The following OVCH1 variants were observed in gnomAD, a reference collection of about 807,000 sequenced individuals.
OVCH1 encodes ovochymase 1.
Under a neutral mutation model 138.4 loss-of-function variants are expected in OVCH1, and 139 were observed. The observed-to-expected ratio is 1.00, with a 90% CI of 0.87 to 1.16. The LOEUF (loss-of-function observed/expected upper bound fraction) is 1.16. Ranked by LOEUF, OVCH1 falls within the 50% of genes most tolerant of loss-of-function variation. The pLI is 0.00. For synonymous variants in OVCH1, 453 were observed against 467.8 expected (o/e 0.97, Z 0.41); for missense variants, 1,367 against 1,357.9 (o/e 1.01, Z -0.11).
the OVCH1 span, among the ~76,000 whole-genome samples, chr12:29,405,586 G>A: frequency 2.0e-5 from 3 of 152,176 alleles, no homozygotes; most frequent in Non-Finnish European, 4.4e-5. Context: ...TAATGATGTT[G>A]TTAGGTGATT....
chr12:29,467,074 G>A (rs1185051069), intron 16 of OVCH1, among the ~76,000 whole-genome samples: 1 of 152,080 alleles, frequency 6.6e-6, no homozygotes, highest in Non-Finnish European at 1.5e-5. Context: ...TAACTCAAGT[G>A]AAGCACTTGG....
rs1248138754 is a variant in OVCH1 at position 29,451,570 on chromosome 12, C to T, written c.2531-1G>A. ...TCTAGCTCTGCTTCAGAGCAACAAC[C>T]TGCAATTCAGAACACACAGACACCA... On this transcript the variant is annotated splice_acceptor_variant, in intron 21 of 27. Transcript: ENST00000318184. LOFTEE classifies it high-confidence loss of function. 6 of 1,606,402 alleles carry T rather than the reference C, an allele frequency of 3.7e-6. No homozygotes were observed. The highest frequency in any genetic ancestry group is 3.4e-6 in the Non-Finnish European group (4 of 1,175,866).
downstream of OVCH1, chr12:29,427,540 C>T (rs1299520684): frequency 6.5e-7 from 1 of 1,550,350 alleles, no homozygotes; most frequent in Non-Finnish European, 8.7e-7. Flanking sequence ...CCTCTTCCTC[C>T]ATGTGAGGAC....
At chr12:29,451,890 C>CT (rs1281180611) in intron 21 of OVCH1, among the ~76,000 whole-genome samples, 3 of 152,210 alleles carry the variant, frequency 2.0e-5, no homozygotes, top group Admixed American at 1.3e-4. Flanking sequence ...TGAGATGCAG[C>CT]TGAAGACCTG....
exon 22 of OVCH1, chr12:29,451,480 A>T: frequency 1.2e-6 from 2 of 1,613,404 alleles, no homozygotes; most frequent in Non-Finnish European, 1.7e-6. Flanking sequence ...AGCACCCAAG[A>T]ACATTCCAGT....
chr12:29,461,636 T>G, intron 19 of OVCH1: 1 of 618,206 alleles, frequency 1.6e-6, no homozygotes, highest in South Asian at 1.7e-5. Context: ...CCCACCGGCC[T>G]TTGTCGCTGT....
At chr12:29,424,126 G>T (rs1941145514), downstream of OVCH1, among the ~76,000 whole-genome samples, 1 of 152,180 alleles carries the variant, frequency 6.6e-6, no homozygotes, top group African/African-American at 2.4e-5. Context: ...TTTATTAACA[G>T]CAAGCCAGTG....
intron 13 of OVCH1, among the ~76,000 whole-genome samples, chr12:29,475,847 C>A (rs1361302986): frequency 6.6e-6 from 1 of 152,146 alleles, no homozygotes; most frequent in African/African-American, 2.4e-5. Flanking sequence ...GAAATTATAG[C>A]TTTTGGTTAC....
At chr12:29,463,821 C>A (rs1344467087) in intron 18 of OVCH1, among the ~76,000 whole-genome samples, 1 of 152,166 alleles carries the variant, frequency 6.6e-6, no homozygotes, top group African/African-American at 2.4e-5. Context: ...AAATTCCCTC[C>A]TCCTTCAAGC....
chr12:29,495,309 A>G (rs763756115), exon 4 of OVCH1: 9 of 1,611,736 alleles, frequency 5.6e-6, no homozygotes, highest in South Asian at 1.1e-5. Context: ...TGTTTTAGAT[A>G]CAGCAGTGCA....
intron 27 of OVCH1, chr12:29,430,848 A>C: frequency 1.9e-6 from 1 of 515,500 alleles, no homozygotes; most frequent in South Asian, 1.4e-5. Context: ...GATCAGTTCA[A>C]ATTGTTACAA....
intron 19 of OVCH1, among the ~76,000 whole-genome samples, chr12:29,457,053 T>C (rs1201573388): frequency 2.6e-5 from 4 of 152,198 alleles, no homozygotes; most frequent in East Asian, 1.9e-4. Flanking sequence ...ATATAAAGAA[T>C]TTAACAGAAG....
At chr12:29,423,124 T>C, downstream of OVCH1, 1 of 424,918 alleles carries the variant, frequency 2.4e-6, no homozygotes, top group Non-Finnish European at 4.7e-6. Context: ...TGCAATTACT[T>C]ACCACTGATA....
chr12:29,475,692 A>C (rs933482600), intron 13 of OVCH1, among the ~76,000 whole-genome samples: 1 of 152,176 alleles, frequency 6.6e-6, no homozygotes, highest in Admixed American at 6.6e-5. Flanking sequence ...CCACAAAAAC[A>C]TCCAGCTGAG....
intron 1 of OVCH1, 91 bp from the exon 2 acceptor site, chr12:29,496,765 G>T: frequency 1.1e-6 from 1 of 920,422 alleles, no homozygotes; most frequent in Non-Finnish European, 1.7e-6. Context: ...TCCTGGCCTG[G>T]CACAGACATT....
chr12:29,446,041 T>C (rs1258576810), intron 22 of OVCH1, among the ~76,000 whole-genome samples: 1 of 152,154 alleles, frequency 6.6e-6, no homozygotes, highest in East Asian at 1.9e-4. Flanking sequence ...TATGTGGCAC[T>C]GACATCCCAG....
intron 8 of OVCH1, among the ~76,000 whole-genome samples, chr12:29,484,252 T>C (rs1426875935): frequency 6.6e-6 from 1 of 152,156 alleles, no homozygotes; most frequent in Non-Finnish European, 1.5e-5. Context: ...ATCTTGTAGG[T>C]GATGCTAAGC....
chr12:29,467,365 G>T (rs1403002704), intron 16 of OVCH1, among the ~76,000 whole-genome samples: 2 of 152,096 alleles, frequency 1.3e-5, no homozygotes, highest in Non-Finnish European at 2.9e-5. Flanking sequence ...GTTTAATGGA[G>T]AACACTGCAC....
rs758964467 is a variant in OVCH1 at position 29,441,878 on chromosome 12, C to T, written c.3157+1483G>A. Among the ~76,000 whole-genome samples, 465 of 152,144 alleles carry T rather than the reference C, an allele frequency of 3.1e-3. 3 individuals are homozygous for T. Among genetic ancestry groups the T allele is most frequent in the Non-Finnish European group, 4.9e-3 (333 of 67,980 alleles). On this transcript the variant is annotated intron_variant, in intron 25 of 27. Transcript: ENST00000318184. ...CAAAAAACACATGAAAAAATGCTCA[C>T]CGTCACTGGCCATCAGAGAAATGCA... is the stretch of plus-strand genomic sequence containing the variant.
Sources: gnomAD v4.1 joint callset for allele counts (sites outside exome capture counted in the v4.1 genomes callset) on GRCh38, gnomAD v4.1.1 for gene constraint, MANE v1.5 for transcripts, NCBI Gene and HGNC (gene_info 2026-07-23, HGNC 2026-07-21) for gene names.